The following IL1RL1 variants were observed in gnomAD, a reference collection of about 807,000 sequenced individuals.
The protein encoded by IL1RL1 is interleukin 1 receptor like 1, also known as interleukin-1 receptor-like 1.
A neutral mutation model predicts 50.9 loss-of-function variants in IL1RL1; 32 were observed. The observed-to-expected ratio is 0.63, with a 90% CI of 0.47 to 0.84. The LOEUF (loss-of-function observed/expected upper bound fraction) is 0.84, where lower values mean the gene tolerates loss of function less well. Ranked by LOEUF, IL1RL1 falls within the 40% of genes least tolerant of loss-of-function variation. IL1RL1 has a pLI of 0.00. For missense variants in IL1RL1, 773 were observed against 662.9 expected (o/e 1.17, Z -1.82); for synonymous variants, 275 against 236.0 (o/e 1.17, Z -1.51).
At chr2:102,318,051 T>C (rs1207947970) in intron 1 of IL1RL1, among the ~76,000 whole-genome samples, 1 of 152,008 alleles carries the variant, frequency 6.6e-6, no homozygotes, top group Non-Finnish European at 1.5e-5. Context: ...AGGTGAGAGG[T>C]GACAGACCCC....
At chr2:102,314,614 C>A (rs1024846589) in intron 1 of IL1RL1, among the ~76,000 whole-genome samples, 2 of 151,898 alleles carry the variant, frequency 1.3e-5, no homozygotes, top group African/African-American at 4.8e-5. Context: ...ATATCAGTGG[C>A]CAATTTTGAG....
In IL1RL1 at chr2:102,342,573, G is replaced by A. The variant is rs557431492; in HGVS notation, c.682+279G>A. 5.3e-5 allele frequency among the ~76,000 whole-genome samples: 8 copies of A among 152,316 alleles called. No individual in the cohort carries two copies. The South Asian group carries it at 1.7e-3, about 32-fold the overall frequency. On this transcript the variant is annotated intron_variant, in intron 6 of 10. Transcript: ENST00000233954. ...TCTTCATCTCTATCCCAGAGCTTGG[G>A]ATGGAGACCTGCAGGGTGTTCATTC...
intron 4 of IL1RL1, 119 bp downstream of exon 4, chr2:102,340,391 T>C (rs1362741306): frequency 1.2e-6 from 1 of 835,450 alleles, no homozygotes; most frequent in African/African-American, 1.8e-5. Flanking sequence ...GGCAGGCAGA[T>C]CACTTGAGGC....
At chr2:102,325,010 T>TC (rs1317794701) in intron 1 of IL1RL1, among the ~76,000 whole-genome samples, 1 of 152,128 alleles carries the variant, frequency 6.6e-6, no homozygotes, top group Non-Finnish European at 1.5e-5. Flanking sequence ...GTAGTGGTTC[T>TC]CCCAGCACGC....
intron 7 of IL1RL1, 29 bp downstream of exon 7, chr2:102,343,206 C>G (rs1263139378): frequency 1.2e-6 from 2 of 1,614,078 alleles, no homozygotes; most frequent in South Asian, 2.2e-5. Flanking sequence ...GAACCATCCT[C>G]TTCCCCTTGC....
intron 10 of IL1RL1, among the ~76,000 whole-genome samples, chr2:102,350,322 C>A (rs1348163884): frequency 2.0e-5 from 3 of 152,238 alleles, no homozygotes; most frequent in Non-Finnish European, 1.5e-5. Flanking sequence ...CTTTTTCAGT[C>A]TATCCACCTA....
chr2:102,340,238 T>C lies in IL1RL1; in HGVS notation c.413T>C (p.Leu138Pro). ...NSKIYCPTIDLYNWTAPLEWF... is the reference protein window; with the variant it reads ...NSKIYCPTIDPYNWTAPLEWF... The stretch of plus-strand genomic sequence containing the variant: ...AAAATTTATTGTCCTACCATTGACC[T>C]CTACAACTGGACAGCACCTCTTGAG... Residue 138 changes from leucine to proline, a missense_variant, in exon 4 of 11, where the codon CTC becomes CCC. Transcript: ENST00000233954. 1 of 1,603,542 alleles carries C rather than the reference T, an allele frequency of 6.2e-7. No individual in the cohort carries two copies. Among genetic ancestry groups the C allele is most frequent in the Non-Finnish European group, 8.5e-7 (1 of 1,177,588 alleles).
intron 1 of IL1RL1, among the ~76,000 whole-genome samples, chr2:102,332,895 T>A (rs551865779): frequency 6.6e-6 from 1 of 152,142 alleles, no homozygotes; most frequent in African/African-American, 2.4e-5. Context: ...ACAGAGAATG[T>A]ACAGTTTGAG....
At chr2:102,313,840 T>C (rs955260377) in intron 1 of IL1RL1, among the ~76,000 whole-genome samples, 1 of 152,206 alleles carries the variant, frequency 6.6e-6, no homozygotes, top group African/African-American at 2.4e-5. Context: ...TGTGTGTGTG[T>C]GCGTGCACTT....
Position 102,340,764 on chromosome 2 carries a change from A to T in IL1RL1, c.546A>T (p.Lys182Asn). The change falls in exon 5 of 11, where the codon AAA becomes AAT. Residue 182 changes from lysine to asparagine, a missense_variant. Transcript: ENST00000233954. Reference sequence around the variant, plus strand: ...AGGACGCAGGTGATTACACCTGTAAATTTATACACAATGAAAATGGAGCCA... The same window carrying T: ...AGGACGCAGGTGATTACACCTGTAATTTTATACACAATGAAAATGGAGCCA... ...MTEDAGDYTCKFIHNENGANY... is the reference protein window; with the variant it reads ...MTEDAGDYTCNFIHNENGANY... The T allele has an allele frequency of 6.3e-7, 1 of 1,592,292 alleles. No homozygotes were observed. Among genetic ancestry groups the T allele is most frequent in the Non-Finnish European group, 8.5e-7 (1 of 1,173,750 alleles).
In IL1RL1 at chr2:102,340,799, T is replaced by C. The variant is rs770476261; in HGVS notation, c.581T>C (p.Val194Ala). ...AATGAAAATGGAGCCAATTATAGTG[T>C]GACGGCGACCAGGTCCTTCACGGTC... Reference protein sequence around the residue: ...IHNENGANYSVTATRSFTVKD... With the variant: ...IHNENGANYSATATRSFTVKD... The change falls in exon 5 of 11, where the codon GTG becomes GCG. Residue 194 changes from valine (V) to alanine (A), a missense_variant. Physicochemically the swap from Val to Ala is moderately conservative, Grantham distance 64. Coordinates refer to ENST00000233954, the MANE Select transcript of IL1RL1 (RefSeq NM_016232.5). 1.3e-6 allele frequency: 2 copies of C among 1,579,984 alleles called. No homozygotes were observed. Among genetic ancestry groups the C allele is most frequent in the Non-Finnish European group, 1.7e-6 (2 of 1,169,800 alleles).
At chr2:102,326,109 C>T (rs1285459616) in intron 1 of IL1RL1, among the ~76,000 whole-genome samples, 6 of 152,170 alleles carry the variant, frequency 3.9e-5, no homozygotes, top group East Asian at 1.9e-4. Flanking sequence ...AGAGAAAGGT[C>T]GGGTTACCCA....
At chr2:102,322,916 T>G (rs927450243) in intron 1 of IL1RL1, among the ~76,000 whole-genome samples, 3 of 152,222 alleles carry the variant, frequency 2.0e-5, no homozygotes, top group African/African-American at 7.2e-5. Flanking sequence ...TGTGTTTAGT[T>G]TCTTTTGCTT....
At chr2:102,333,948 G>A (rs1677240420) in intron 1 of IL1RL1, among the ~76,000 whole-genome samples, 1 of 152,144 alleles carries the variant, frequency 6.6e-6, no homozygotes, top group Non-Finnish European at 1.5e-5. Context: ...AATCCGTGGT[G>A]CATAGGTACA....
At chr2:102,325,903 A>G (rs1231495835) in intron 1 of IL1RL1, among the ~76,000 whole-genome samples, 4 of 152,392 alleles carry the variant, frequency 2.6e-5, no homozygotes, top group South Asian at 4.1e-4. Context: ...GACAGGTAGA[A>G]TGGAACCAAG....
intron 6 of IL1RL1, among the ~76,000 whole-genome samples, chr2:102,342,784 C>T (rs924131199): frequency 4.6e-5 from 7 of 152,016 alleles, no homozygotes; most frequent in Non-Finnish European, 8.8e-5. Context: ...GAATCATTGG[C>T]CTTGTTAGTT....
intron 1 of IL1RL1, among the ~76,000 whole-genome samples, chr2:102,331,044 A>G (rs756639205): frequency 1.4e-3 from 220 of 152,264 alleles, no homozygotes; most frequent in Non-Finnish European, 2.2e-3. Context: ...TCAAACATCA[A>G]TTTACTATAT....
At chr2:102,323,220 A>T (rs1391405676) in intron 1 of IL1RL1, among the ~76,000 whole-genome samples, 1 of 146,848 alleles carries the variant, frequency 6.8e-6, no homozygotes, top group African/African-American at 2.6e-5. Flanking sequence ...GCCATACAGT[A>T]GATGTTCTTT....
At chr2:102,348,933 C>T (rs751053985) in intron 9 of IL1RL1, 146 bp from the exon 10 acceptor site, 17 of 612,706 alleles carry the variant, frequency 2.8e-5, no homozygotes, top group Admixed American at 8.4e-5. Flanking sequence ...AGTGGTTTGA[C>T]GTCAACATCT....
Sources: gnomAD v4.1 joint callset for allele counts (sites outside exome capture counted in the v4.1 genomes callset) on GRCh38, gnomAD v4.1.1 for gene constraint, MANE v1.5 for transcripts, NCBI Gene and HGNC (gene_info 2026-07-23, HGNC 2026-07-21) for gene names.